Variants in GDAP1 observed in about 807,000 individuals in gnomAD.
GDAP1 encodes ganglioside-induced differentiation-associated protein 1.
A neutral mutation model predicts 40.1 loss-of-function variants in GDAP1; 34 were observed. The ratio of observed to expected loss-of-function variants is 0.85; its 90% CI spans 0.64 to 1.13. The LOEUF is 1.13. Among genes scored for constraint, GDAP1 ranks in the 50% most tolerant of loss-of-function variants. The pLI, the probability that GDAP1 is intolerant of heterozygous loss-of-function variation, is 0.00. For missense variants in GDAP1, 374 were observed against 433.7 expected, an observed-to-expected ratio of 0.86 and a Z score of 1.22; for synonymous variants, 170 against 157.4, an observed-to-expected ratio of 1.08 and a Z score of -0.60.
chr8:74,418,287 T>TA (rs1445591663), intron 2 of GDAP1, among the ~76,000 whole-genome samples: 1 of 152,150 alleles, frequency 6.6e-6, no homozygotes, highest in African/African-American at 2.4e-5. Context: ...TTTTAAGACT[T>TA]ACCACAAAGC....
chr8:74,362,682 T>C (rs1226823978), intron 4 of GDAP1, among the ~76,000 whole-genome samples: 3 of 151,896 alleles, frequency 2.0e-5, no homozygotes, highest in African/African-American at 4.8e-5. Flanking sequence ...CTTTGCCTTC[T>C]GTGGTCATCT....
At chr8:74,440,675 T>C (rs1450722332) in intron 2 of GDAP1, among the ~76,000 whole-genome samples, 1 of 152,012 alleles carries the variant, frequency 6.6e-6, no homozygotes, top group East Asian at 1.9e-4. Flanking sequence ...AGATATTTTG[T>C]AGTGGGAGTT....
chr8:74,409,608 C>T (rs2131553184), intron 2 of GDAP1, among the ~76,000 whole-genome samples: 1 of 150,178 alleles, frequency 6.7e-6, no homozygotes, highest in South Asian at 2.1e-4. Flanking sequence ...CTGCTTCAGC[C>T]TCCCAATGTT....
chr8:74,381,620 G>A (rs1165113423), intron 2 of GDAP1, among the ~76,000 whole-genome samples: 1 of 152,158 alleles, frequency 6.6e-6, no homozygotes, highest in Admixed American at 6.6e-5. Context: ...GTTGGACGTG[G>A]TGGCAGGTGC....
chr8:74,370,185 T>C (rs1425642455), downstream of GDAP1, among the ~76,000 whole-genome samples: 1 of 152,180 alleles, frequency 6.6e-6, no homozygotes, highest in Non-Finnish European at 1.5e-5. Flanking sequence ...ATATAAAGAC[T>C]TTCATTGCCT....
intron 1 of GDAP1, 27 bp downstream of exon 1, chr8:74,350,605 T>A: frequency 7.2e-7 from 1 of 1,386,504 alleles, no homozygotes; most frequent in Non-Finnish European, 1.0e-6. Flanking sequence ...CGGCGGAGGG[T>A]GGCGCGGATC....
chr8:74,475,068 A>G (rs927252762), intron 2 of GDAP1, among the ~76,000 whole-genome samples: 1 of 152,110 alleles, frequency 6.6e-6, no homozygotes, highest in African/African-American at 2.4e-5. Context: ...GTGTGCATAG[A>G]GGTGTTCATA....
chr8:74,392,597 A>G (rs1225529469), intron 2 of GDAP1, among the ~76,000 whole-genome samples: 1 of 152,224 alleles, frequency 6.6e-6, no homozygotes, highest in Non-Finnish European at 1.5e-5. Context: ...ACCCGTTAAC[A>G]TTCATGTTCC....
intron 2 of GDAP1, among the ~76,000 whole-genome samples, chr8:74,356,749 T>C (rs1331783759): frequency 7.0e-6 from 1 of 143,844 alleles, no homozygotes. Flanking sequence ...GGAGTCTCGC[T>C]CTGTCACCAG....
intron 2 of GDAP1, among the ~76,000 whole-genome samples, chr8:74,416,136 C>A (rs1398576283): frequency 2.7e-5 from 4 of 149,876 alleles, no homozygotes; most frequent in Non-Finnish European, 5.9e-5. Flanking sequence ...ACCCCAGTGG[C>A]CAGAGAACTG....
intron 2 of GDAP1, among the ~76,000 whole-genome samples, chr8:74,378,599 A>G (rs1809898889): frequency 6.6e-6 from 1 of 152,200 alleles, no homozygotes; most frequent in Non-Finnish European, 1.5e-5. Flanking sequence ...ACTAGCATCA[A>G]TGTCCTCAAC....
At chr8:74,440,663 G>A (rs1287276077) in intron 2 of GDAP1, among the ~76,000 whole-genome samples, 1 of 149,556 alleles carries the variant, frequency 6.7e-6, no homozygotes, top group Admixed American at 6.7e-5. Context: ...TGTTACATTT[G>A]TAGATATTTT....
intron 2 of GDAP1, among the ~76,000 whole-genome samples, chr8:74,421,439 A>G (rs1478341856): frequency 1.3e-5 from 2 of 152,166 alleles, no homozygotes; most frequent in Non-Finnish European, 2.9e-5. Flanking sequence ...CTCCCACACA[A>G]GTATTTGGGA....
At chr8:74,369,025 A>G (rs1476604360), downstream of GDAP1, among the ~76,000 whole-genome samples, 1 of 152,220 alleles carries the variant, frequency 6.6e-6, no homozygotes, top group Admixed American at 6.5e-5. Flanking sequence ...AGGGAGACGT[A>G]TTCTGGAGGT....
intron 2 of GDAP1, among the ~76,000 whole-genome samples, chr8:74,384,841 T>C (rs992863187): frequency 4.6e-5 from 7 of 152,240 alleles, no homozygotes; most frequent in Admixed American, 4.6e-4. Context: ...ATTTTGCAGT[T>C]ACTACAACTA....
intron 2 of GDAP1, among the ~76,000 whole-genome samples, chr8:74,473,146 G>T (rs1001814492): frequency 8.7e-5 from 13 of 149,080 alleles, no homozygotes; most frequent in African/African-American, 3.2e-4. Context: ...GAAGTTATTT[G>T]TTTTTTTAAT....
At position 74,364,656 on chromosome 8, in the gene GDAP1, G is replaced by A; in HGVS notation, c.*289G>A. ...GAGCAATAGAAAGTAAGCTTCGGGT[G>A]CCTCCAACGTTCATGGCTGCCTGTC... On this transcript the variant is annotated 3_prime_UTR_variant, in exon 6 of 6. Transcript: ENST00000220822. The A allele has an allele frequency of 1.9e-6, 1 of 530,490 alleles. No homozygotes were observed. Among genetic ancestry groups the A allele is most frequent in the East Asian group, 4.8e-5 (1 of 20,908 alleles). The allele number at this position is 530,490 out of a possible 1,614,324, so 32.9% of individuals were successfully genotyped here.
intron 2 of GDAP1, among the ~76,000 whole-genome samples, chr8:74,452,427 A>AT (rs2131577076): frequency 1.2e-5 from 1 of 82,322 alleles, no homozygotes; most frequent in East Asian, 3.6e-4. Context: ...GCCATTTGAT[A>AT]TTTTCCCATG....
chr8:74,407,376 A>G (rs1041372826), intron 2 of GDAP1, among the ~76,000 whole-genome samples: 3 of 149,906 alleles, frequency 2.0e-5, no homozygotes, highest in Non-Finnish European at 4.4e-5. Flanking sequence ...ACTGAGAGAG[A>G]CAGGCCCACC....
Sources: allele counts gnomAD v4.1 joint callset (sites outside exome capture counted in the v4.1 genomes callset), GRCh38; gene constraint gnomAD v4.1.1; transcripts MANE v1.5; gene names NCBI Gene and HGNC (gene_info 2026-07-23, HGNC 2026-07-21).